Variants in SUGCT observed in about 807,000 individuals in gnomAD.
SUGCT encodes the protein succinyl-CoA:glutarate-CoA transferase, also known as succinyl-CoA:glutarate CoA-transferase.
Under a neutral mutation model 55.0 loss-of-function variants are expected in SUGCT, and 41 were observed. That is an observed-to-expected ratio of 0.74 (90% CI 0.58 to 0.97). SUGCT has a LOEUF of 0.97. SUGCT is among the 50% of genes least tolerant of loss of function. The pLI is 0.00. For synonymous variants in SUGCT, 187 were observed against 200.4 expected (o/e 0.93, Z 0.56); for missense variants, 568 against 547.8 (o/e 1.04, Z -0.37).
intron 11 of SUGCT, among the ~76,000 whole-genome samples, chr7:40,495,827 C>T (rs1791939343): frequency 6.6e-6 from 1 of 152,068 alleles, no homozygotes; most frequent in Admixed American, 6.5e-5. Flanking sequence ...TGGTTGTGAC[C>T]ATTAATTTTT....
At chr7:40,733,578 G>T (rs1787006856) in intron 12 of SUGCT, among the ~76,000 whole-genome samples, 1 of 152,198 alleles carries the variant, frequency 6.6e-6, no homozygotes, top group African/African-American at 2.4e-5. Flanking sequence ...TTATCATAAT[G>T]GTTCTGGCCT....
intron 12 of SUGCT, among the ~76,000 whole-genome samples, chr7:40,720,962 A>G (rs1786296562): frequency 1.3e-5 from 2 of 152,204 alleles, no homozygotes; most frequent in African/African-American, 4.8e-5. Context: ...TATGAAACTT[A>G]TCTTCCAAAA....
At chr7:40,906,894 T>C in the SUGCT span, among the ~76,000 whole-genome samples, 3 of 152,128 alleles carry the variant, frequency 2.0e-5, no homozygotes, top group African/African-American at 7.2e-5. Flanking sequence ...TAACTTAGAG[T>C]TGACAAACCA....
chr7:40,294,547 AGAT>A (rs950460376), intron 8 of SUGCT, among the ~76,000 whole-genome samples: 1 of 152,090 alleles, frequency 6.6e-6, no homozygotes, highest in East Asian at 1.9e-4. Context: ...ATGATGATGA[AGAT>A]GATGATGATT....
chr7:40,819,218 A>T lies in SUGCT; in HGVS notation c.1154-41098A>T, dbSNP rs184661842. ...TTGTGAATAGTGCCGCAATAAACAT[A>T]TATGTGCATGTGTCTTTATAGCGGC... On this transcript the variant is annotated intron_variant, in intron 13 of 13. Transcript: ENST00000335693. Among the ~76,000 whole-genome samples the T allele has an allele frequency of 2.1e-3, 323 of 152,216 alleles. 1 individual carries two copies. Among genetic ancestry groups the T allele is most frequent in the African/African-American group, 7.5e-3 (312 of 41,522 alleles).
chr7:40,494,372 T>C (rs1018251037), intron 11 of SUGCT, among the ~76,000 whole-genome samples: 3 of 152,212 alleles, frequency 2.0e-5, no homozygotes, highest in African/African-American at 7.2e-5. Flanking sequence ...TTTATCTATA[T>C]ATATTTTAGG....
intron 13 of SUGCT, among the ~76,000 whole-genome samples, chr7:40,795,475 A>G (rs529959129): frequency 1.3e-5 from 2 of 152,292 alleles, no homozygotes; most frequent in African/African-American, 4.8e-5. Flanking sequence ...AAGTTCTTCA[A>G]AATAAAATCT....
chr7:40,421,395 A>G (rs562548878), intron 9 of SUGCT, among the ~76,000 whole-genome samples: 2 of 152,304 alleles, frequency 1.3e-5, no homozygotes, highest in African/African-American at 4.8e-5. Flanking sequence ...GAGAGGACTC[A>G]GGACCAGTGG....
intron 12 of SUGCT, among the ~76,000 whole-genome samples, chr7:40,728,966 G>C (rs1447838013): frequency 6.6e-6 from 1 of 152,130 alleles, no homozygotes; most frequent in Non-Finnish European, 1.5e-5. Context: ...TTGAAAGCAG[G>C]TTAAAATTCC....
In SUGCT at chr7:40,474,873, C is replaced by T. The variant is rs183216606; in HGVS notation, c.986+15675C>T. On this transcript the variant is annotated intron_variant, in intron 11 of 13. Coordinates refer to ENST00000335693, the MANE Select transcript of SUGCT (RefSeq NM_001193313.2). ...TAGTAATTCCTACCTTTAAAATTGTCGAGAGAATTAAATGTGTGAATACAG... is the reference window on the plus strand; with the variant it reads ...TAGTAATTCCTACCTTTAAAATTGTTGAGAGAATTAAATGTGTGAATACAG... Among the ~76,000 whole-genome samples the T allele has an allele frequency of 7.2e-5, 11 of 152,092 alleles. No individual in the cohort carries two copies. In the East Asian group the frequency reaches 1.4e-3, roughly 19 times the overall value.
At chr7:40,670,666 A>G (rs1801895565) in intron 12 of SUGCT, among the ~76,000 whole-genome samples, 1 of 152,168 alleles carries the variant, frequency 6.6e-6, no homozygotes, top group Admixed American at 6.5e-5. Flanking sequence ...CTTAAATTTG[A>G]CAACTTAGAT....
At chr7:40,172,346 A>G (rs1784716715) in intron 1 of SUGCT, among the ~76,000 whole-genome samples, 1 of 152,140 alleles carries the variant, frequency 6.6e-6, no homozygotes, top group South Asian at 2.1e-4. Context: ...CGGGTCCCAC[A>G]TAACTGCCCA....
At chr7:41,019,313 C>CCA in the SUGCT span, among the ~76,000 whole-genome samples, 9 of 152,356 alleles carry the variant, frequency 5.9e-5, no homozygotes, top group African/African-American at 2.2e-4. Flanking sequence ...ATTTACATGT[C>CCA]ATCCACATAA....
At chr7:40,630,487 C>A (rs1301801777) in intron 12 of SUGCT, among the ~76,000 whole-genome samples, 1 of 152,106 alleles carries the variant, frequency 6.6e-6, no homozygotes. Context: ...AATAGTAGGA[C>A]CTCTTTTTGT....
At chr7:40,442,874 C>A (rs1788594935) in intron 9 of SUGCT, among the ~76,000 whole-genome samples, 1 of 152,094 alleles carries the variant, frequency 6.6e-6, no homozygotes, top group Admixed American at 6.6e-5. Flanking sequence ...CCTCCCCCTT[C>A]CCCCCACACC....
intron 12 of SUGCT, among the ~76,000 whole-genome samples, chr7:40,694,180 G>T (rs570126272): frequency 2.7e-5 from 4 of 150,740 alleles, no homozygotes; most frequent in East Asian, 1.9e-4. Flanking sequence ...TCTGTCAAAG[G>T]CCCCAAGTGT....
chr7:40,937,730 G>A, the SUGCT span, among the ~76,000 whole-genome samples: 1 of 151,810 alleles, frequency 6.6e-6, no homozygotes, highest in East Asian at 1.9e-4. Flanking sequence ...CTCTCTTTTG[G>A]TTACCGCGTG....
At chr7:40,708,178 C>G (rs1785520347) in intron 12 of SUGCT, among the ~76,000 whole-genome samples, 1 of 152,134 alleles carries the variant, frequency 6.6e-6, no homozygotes, top group Non-Finnish European at 1.5e-5. Flanking sequence ...TGAAGTATTT[C>G]AGTACTAACG....
At chr7:40,673,950 CTGTCAAAGCCACTTAA>C (rs1480501606) in intron 12 of SUGCT, among the ~76,000 whole-genome samples, 1 of 152,118 alleles carries the variant, frequency 6.6e-6, no homozygotes, top group Non-Finnish European at 1.5e-5. Context: ...AACTCATTTT[CTGTCAAAGCCACTTAA>C]TAACAAACAG....
Sources: gnomAD v4.1 joint callset for allele counts (sites outside exome capture counted in the v4.1 genomes callset) on GRCh38, gnomAD v4.1.1 for gene constraint, MANE v1.5 for transcripts, NCBI Gene and HGNC (gene_info 2026-07-23, HGNC 2026-07-21) for gene names.